Variants in PCTP observed in about 807,000 individuals in gnomAD.
The protein encoded by PCTP is START domain-containing protein 2.
PCTP carries 27 observed loss-of-function variants against 31.0 expected under a neutral mutation model. That is an observed-to-expected ratio of 0.87 (90% CI 0.64 to 1.20). The LOEUF is 1.20. PCTP is among the 50% of genes most tolerant of loss of function. PCTP has a pLI of 0.00. For missense variants in PCTP, 287 were observed against 268.2 expected, an observed-to-expected ratio of 1.07 and a Z score of -0.49; for synonymous variants, 108 against 101.2, an observed-to-expected ratio of 1.07 and a Z score of -0.40.
chr17:55,805,311 A>G (rs540440205), intron 3 of PCTP, among the ~76,000 whole-genome samples: 1 of 152,224 alleles, frequency 6.6e-6, no homozygotes, highest in South Asian at 2.1e-4. Flanking sequence ...CCATTACCCA[A>G]TAGTGAACAC....
chr17:55,844,596 C>T (rs1353840251), downstream of PCTP, among the ~76,000 whole-genome samples: 1 of 152,112 alleles, frequency 6.6e-6, no homozygotes, highest in Admixed American at 6.6e-5. Context: ...CAAATTCATA[C>T]CGCGGACAGG....
chr17:55,820,538 T>C (rs1369587324), intron 3 of PCTP, among the ~76,000 whole-genome samples: 1 of 152,184 alleles, frequency 6.6e-6, no homozygotes, highest in Non-Finnish European at 1.5e-5. Context: ...TTCACGAGGA[T>C]TCTACTCTCA....
chr17:55,817,070 C>A (rs1433685630), intron 3 of PCTP, among the ~76,000 whole-genome samples: 1 of 152,108 alleles, frequency 6.6e-6, no homozygotes, highest in Non-Finnish European at 1.5e-5. Context: ...AGATAAATGA[C>A]CAGGAGTAAT....
chr17:55,793,744 G>T (rs1219261672), intron 3 of PCTP, among the ~76,000 whole-genome samples: 1 of 151,996 alleles, frequency 6.6e-6, no homozygotes, highest in African/African-American at 2.4e-5. Flanking sequence ...AAATACTATA[G>T]AATGCACAAG....
chr17:55,805,886 ATGTGTGTGTGTGTG>A (rs58345619), intron 3 of PCTP, among the ~76,000 whole-genome samples: 2 of 142,760 alleles, frequency 1.4e-5, no homozygotes, highest in Admixed American at 7.0e-5. Context: ...CTCAATCTGT[ATGTGTGTGTGTGTG>A]TGTGTGTGTG....
At chr17:55,799,183 T>C (rs1222365247) in intron 3 of PCTP, among the ~76,000 whole-genome samples, 1 of 151,868 alleles carries the variant, frequency 6.6e-6, no homozygotes. Context: ...TATCCTGAAA[T>C]GTAAGTGTGT....
chr17:55,791,919 G>A lies in PCTP; in HGVS notation c.317+4265G>A, dbSNP rs572520573. Among the ~76,000 whole-genome samples, 316 of 152,088 alleles carry A rather than the reference G, an allele frequency of 2.1e-3. 1 individual carries two copies. The highest frequency in any genetic ancestry group is 7.4e-3 in the African/African-American group (306 of 41,478). On this transcript the variant is annotated intron_variant, in intron 3 of 3. Coordinates refer to the PCTP transcript ENST00000572536. ...TTGGAACCAACCCAAATGTCCAACAGTGATAGACTGGCTTAGGAAAATGTG... is the reference window on the plus strand; with the variant it reads ...TTGGAACCAACCCAAATGTCCAACAATGATAGACTGGCTTAGGAAAATGTG...
chr17:55,766,815 T>C (rs951997177), intron 1 of PCTP, among the ~76,000 whole-genome samples: 1 of 151,886 alleles, frequency 6.6e-6, no homozygotes, highest in African/African-American at 2.4e-5. Context: ...TTTCTAGTTC[T>C]AGATCCCTGA....
At chr17:55,845,374 C>T (rs973906363), downstream of PCTP, among the ~76,000 whole-genome samples, 3 of 152,132 alleles carry the variant, frequency 2.0e-5, no homozygotes, top group East Asian at 1.9e-4. Context: ...CAGCCTCTTC[C>T]GTCTCCGTGG....
At chr17:55,786,490 A>G (rs566256423) in intron 2 of PCTP, among the ~76,000 whole-genome samples, 29 of 152,330 alleles carry the variant, frequency 1.9e-4, no homozygotes, top group African/African-American at 6.7e-4. Context: ...CCTAGAACTT[A>G]AAGTATAATT....
At chr17:55,804,768 C>T (rs993434540) in intron 3 of PCTP, among the ~76,000 whole-genome samples, 2 of 151,864 alleles carry the variant, frequency 1.3e-5, no homozygotes, top group Non-Finnish European at 2.9e-5. Flanking sequence ...ATGTAGATGA[C>T]GGGTTGATGG....
At chr17:55,779,872 G>A (rs1161552930), downstream of PCTP, among the ~76,000 whole-genome samples, 1 of 152,122 alleles carries the variant, frequency 6.6e-6, no homozygotes, top group Non-Finnish European at 1.5e-5. Flanking sequence ...ACAAAAGGCT[G>A]GAGGGAGGGG....
intron 1 of PCTP, chr17:55,751,582 T>G: frequency 8.9e-7 from 1 of 1,118,514 alleles, no homozygotes; most frequent in Non-Finnish European, 1.2e-6. Flanking sequence ...TGATCCTCAC[T>G]CTCCAATGCG....
At chr17:55,775,359 C>T in intron 5 of PCTP, 3 of 1,232,518 alleles carry the variant, frequency 2.4e-6, no homozygotes, top group Non-Finnish European at 3.0e-6. Context: ...GCCCAGGAGC[C>T]TGGCATTATG....
At chr17:55,832,781 C>G (rs1018095452) in intron 5 of PCTP, among the ~76,000 whole-genome samples, 4 of 152,148 alleles carry the variant, frequency 2.6e-5, no homozygotes, top group African/African-American at 7.2e-5. Context: ...TGCTGAATAT[C>G]AAATATTGCC....
chr17:55,808,611 G>T (rs191024394), intron 3 of PCTP, among the ~76,000 whole-genome samples: 5 of 152,290 alleles, frequency 3.3e-5, no homozygotes, highest in Admixed American at 3.3e-4. Context: ...AGCACACAGA[G>T]TTTGGATGTT....
chr17:55,801,776 T>C (rs1159381064), intron 3 of PCTP, among the ~76,000 whole-genome samples: 2 of 152,052 alleles, frequency 1.3e-5, no homozygotes, highest in African/African-American at 4.8e-5. Context: ...AGATCTAAGA[T>C]TGACACCCTG....
intron 5 of PCTP, among the ~76,000 whole-genome samples, chr17:55,839,702 C>T (rs1411871517): frequency 6.6e-6 from 1 of 151,656 alleles, no homozygotes; most frequent in Non-Finnish European, 1.5e-5. Context: ...GGGCGGATCA[C>T]GAGGTCAGGA....
At chr17:55,847,402 A>AG (rs796901306), downstream of PCTP, among the ~76,000 whole-genome samples, 21 of 152,270 alleles carry the variant, frequency 1.4e-4, no homozygotes, top group African/African-American at 5.1e-4. Context: ...TGATTGGATC[A>AG]GGGGGGCGTT....
Sources: gnomAD v4.1 joint callset for allele counts (sites outside exome capture counted in the v4.1 genomes callset) on GRCh38, gnomAD v4.1.1 for gene constraint, MANE v1.5 for transcripts, NCBI Gene and HGNC (gene_info 2026-07-23, HGNC 2026-07-21) for gene names.